SCIN: variants seen among roughly 807,000 people sequenced by gnomAD.
The protein encoded by SCIN is scinderin, also known as adseverin.
SCIN carries 91 observed loss-of-function variants against 91.8 expected under a neutral mutation model. The ratio of observed to expected loss-of-function variants is 0.99; its 90% confidence interval spans 0.84 to 1.18. The LOEUF is 1.18. Ranked by LOEUF, SCIN falls within the 50% of genes most tolerant of loss-of-function variation. The probability of loss-of-function intolerance (pLI) is 0.00; values close to 1 mark genes in which losing one functional copy is unlikely to be tolerated. For synonymous variants in SCIN, 367 were observed against 312.6 expected, an observed-to-expected ratio of 1.17 and a Z score of -1.84; for missense variants, 1,087 against 863.9, an observed-to-expected ratio of 1.26 and a Z score of -3.24.
intron 9 of SCIN, among the ~76,000 whole-genome samples, chr7:12,632,902 TG>T (rs1045628969): frequency 2.6e-5 from 4 of 152,258 alleles, no homozygotes; most frequent in African/African-American, 9.6e-5. Context: ...ATGTATATAT[TG>T]GGGGGATATC....
At chr7:12,614,077 T>A (rs1378852703) in intron 4 of SCIN, among the ~76,000 whole-genome samples, 1 of 152,142 alleles carries the variant, frequency 6.6e-6, no homozygotes, top group Admixed American at 6.6e-5. Context: ...AAGACAAATA[T>A]ATTGATTAAA....
chr7:12,631,313 A>G (rs978433661), intron 9 of SCIN, among the ~76,000 whole-genome samples: 7 of 152,224 alleles, frequency 4.6e-5, no homozygotes, highest in Non-Finnish European at 1.0e-4. Flanking sequence ...ATACGTAATG[A>G]GAAACAGATG....
At chr7:12,585,236 G>A (rs988847779) in intron 3 of SCIN, among the ~76,000 whole-genome samples, 11 of 152,022 alleles carry the variant, frequency 7.2e-5, no homozygotes, top group African/African-American at 2.7e-4. Flanking sequence ...GGTGGACACC[G>A]TGACATTATG....
chr7:12,630,220 G>C (rs944113402), intron 9 of SCIN, among the ~76,000 whole-genome samples: 1 of 151,792 alleles, frequency 6.6e-6, no homozygotes, highest in South Asian at 2.1e-4. Flanking sequence ...TCAGGAGATG[G>C]GATGACACCA....
chr7:12,600,202 C>A (rs1020601714), intron 3 of SCIN, among the ~76,000 whole-genome samples: 2 of 152,148 alleles, frequency 1.3e-5, no homozygotes, highest in African/African-American at 4.8e-5. Context: ...CATTCGCATG[C>A]ACCTTGGATA....
Position 12,644,191 on chromosome 7 carries a change from G to T in SCIN, c.1635G>T (p.Leu545=). The T allele has an allele frequency of 6.2e-7, 1 of 1,612,752 alleles. No individual in the cohort carries two copies. Among genetic ancestry groups the T allele is most frequent in the Non-Finnish European group, 8.5e-7 (1 of 1,179,326 alleles). ...CTAACGATGTTTTTGTCCTGAAACTGCCACAAAATAGTGGCTACATCTGGG... is the reference window on the plus strand; with the variant it reads ...CTAACGATGTTTTTGTCCTGAAACTTCCACAAAATAGTGGCTACATCTGGG... ...LNSNDVFVLK[L]PQNSGYIWVG... The change falls in exon 12 of 16, where the codon CTG becomes CTT. Residue 545 remains leucine (L), a synonymous_variant. Coordinates refer to ENST00000297029, the MANE Select transcript of SCIN (RefSeq NM_001112706.3).
rs201777088 is a variant in SCIN at position 12,644,278 on chromosome 7, G to A, written c.1722G>A (p.Lys574=). Residue 574 remains lysine (K), a synonymous_variant, in exon 12 of 16, where the codon AAG becomes AAA. Coordinates refer to ENST00000297029, the MANE Select transcript of SCIN (RefSeq NM_001112706.3). ...KGAEYVASVL[K]CKTLRIQEGE... Reference sequence around the variant, plus strand: ...CAGAGTATGTAGCAAGTGTCCTAAAGTGCAAAACCTTAAGGATCCAAGAAG... The same window carrying A: ...CAGAGTATGTAGCAAGTGTCCTAAAATGCAAAACCTTAAGGATCCAAGAAG... 1.3e-6 allele frequency: 2 copies of A among 1,597,960 alleles called. No homozygotes were observed. The highest frequency in any genetic ancestry group is 4.5e-5 in the East Asian group (2 of 44,384).
intron 3 of SCIN, among the ~76,000 whole-genome samples, 193 bp from the exon 4 acceptor site, chr7:12,604,321 C>T (rs546945586): frequency 2.3e-4 from 35 of 152,002 alleles, no homozygotes; most frequent in Non-Finnish European, 4.4e-4. Context: ...ATTTTCCATG[C>T]TTAAAAACTG....
At chr7:12,592,599 G>T (rs1244220762) in intron 3 of SCIN, among the ~76,000 whole-genome samples, 2 of 151,994 alleles carry the variant, frequency 1.3e-5, no homozygotes, top group Admixed American at 6.6e-5. Context: ...AGCAGGAGGG[G>T]ACTCTGGTTG....
At chr7:12,592,471 G>A (rs1351290714) in intron 3 of SCIN, among the ~76,000 whole-genome samples, 4 of 151,976 alleles carry the variant, frequency 2.6e-5, no homozygotes, top group Admixed American at 1.3e-4. Context: ...TGGGAAATTT[G>A]GAAGAGTCTT....
intron 10 of SCIN, among the ~76,000 whole-genome samples, chr7:12,640,137 C>T (rs849767): frequency 1.6e-4 from 24 of 151,926 alleles, no homozygotes; most frequent in African/African-American, 5.3e-4. Context: ...TCATGGACAC[C>T]GTGCCTGCGA....
intron 14 of SCIN, 98 bp downstream of exon 14, chr7:12,649,642 T>G: frequency 2.8e-6 from 2 of 709,038 alleles, no homozygotes; most frequent in East Asian, 5.8e-5. Flanking sequence ...TAAATGAGCC[T>G]AGAGATTTAG....
chr7:12,605,034 G>A (rs564795869), intron 4 of SCIN, among the ~76,000 whole-genome samples: 42 of 152,074 alleles, frequency 2.8e-4, no homozygotes, highest in African/African-American at 8.9e-4. Flanking sequence ...GCTTCTCAGG[G>A]TTTTACTTGT....
At chr7:12,609,305 A>G (rs1274903513) in intron 4 of SCIN, among the ~76,000 whole-genome samples, 1 of 152,194 alleles carries the variant, frequency 6.6e-6, no homozygotes, top group Non-Finnish European at 1.5e-5. Flanking sequence ...ACTAAAGTCA[A>G]ATTTTACTCT....
chr7:12,572,343 C>T (rs953108574), intron 1 of SCIN, among the ~76,000 whole-genome samples: 3 of 152,194 alleles, frequency 2.0e-5, no homozygotes, highest in Admixed American at 2.0e-4. Context: ...AATACACAGT[C>T]ATCTATTTGT....
intron 3 of SCIN, among the ~76,000 whole-genome samples, chr7:12,585,857 G>A (rs149471317): frequency 2.6e-5 from 4 of 152,242 alleles, no homozygotes; most frequent in African/African-American, 4.8e-5. Flanking sequence ...TAGAATACTC[G>A]CCTCTTATTT....
chr7:12,609,166 A>G (rs1225643850), intron 4 of SCIN, among the ~76,000 whole-genome samples: 4 of 152,300 alleles, frequency 2.6e-5, no homozygotes, highest in African/African-American at 4.8e-5. Context: ...GGACACAACC[A>G]TCATTAACAA....
chr7:12,614,861 G>T (rs1783267399), intron 4 of SCIN, among the ~76,000 whole-genome samples: 1 of 152,184 alleles, frequency 6.6e-6, no homozygotes, highest in African/African-American at 2.4e-5. Context: ...ATGCCACCAT[G>T]TAGAGAGCAG....
intron 3 of SCIN, among the ~76,000 whole-genome samples, chr7:12,586,154 T>C: frequency 6.6e-6 from 1 of 152,232 alleles, no homozygotes; most frequent in South Asian, 2.1e-4. Flanking sequence ...TTTCAACAAA[T>C]GTATATCTAT....
Sources: gnomAD v4.1 joint callset for allele counts (sites outside exome capture counted in the v4.1 genomes callset) on GRCh38, gnomAD v4.1.1 for gene constraint, MANE v1.5 for transcripts, NCBI Gene and HGNC (gene_info 2026-07-23, HGNC 2026-07-21) for gene names.